NKAIN2: variants seen among roughly 807,000 people sequenced by gnomAD.
NKAIN2 encodes sodium/potassium-transporting ATPase subunit beta-1-interacting protein 2.
A neutral mutation model predicts 32.6 loss-of-function variants in NKAIN2; 14 were observed. That is an observed-to-expected ratio of 0.43 (90% CI 0.28 to 0.67). The LOEUF (loss-of-function observed/expected upper bound fraction) is 0.67. Among genes scored for constraint, NKAIN2 ranks in the 30% least tolerant of loss-of-function variants. NKAIN2 has a pLI of 0.17. For synonymous variants in NKAIN2, 80 were observed against 87.2 expected, an observed-to-expected ratio of 0.92 and a Z score of 0.46; for missense variants, 198 against 258.3, an observed-to-expected ratio of 0.77 and a Z score of 1.60.
intron 1 of NKAIN2, among the ~76,000 whole-genome samples, chr6:124,189,312 C>T (rs1323762780): frequency 6.6e-6 from 1 of 151,986 alleles, no homozygotes; most frequent in Admixed American, 6.6e-5. Context: ...AAAAAGAAAC[C>T]CATAGAAATG....
intron 1 of NKAIN2, among the ~76,000 whole-genome samples, chr6:124,277,459 A>ATC (rs1795090248): frequency 1.4e-5 from 2 of 142,210 alleles, no homozygotes; most frequent in African/African-American, 5.3e-5. Context: ...GTGTGTGTGT[A>ATC]TCTGTGTGTG....
intron 4 of NKAIN2, among the ~76,000 whole-genome samples, chr6:124,773,188 T>TA (rs1237257362): frequency 9.9e-5 from 15 of 152,060 alleles, no homozygotes; most frequent in Non-Finnish European, 4.4e-5. Context: ...TGAGAACCGT[T>TA]TTAAGATAGA....
At chr6:124,101,147 A>T (rs1365733321) in intron 1 of NKAIN2, among the ~76,000 whole-genome samples, 1 of 152,176 alleles carries the variant, frequency 6.6e-6, no homozygotes, top group Non-Finnish European at 1.5e-5. Flanking sequence ...GTGTGAGAGG[A>T]CTGGTCTATT....
rs189425150 is a variant in NKAIN2 at position 124,788,786 on chromosome 6, C to T, written c.475-2553C>T. Among the ~76,000 whole-genome samples, 24 of 152,178 alleles carry T rather than the reference C, an allele frequency of 1.6e-4. No individual in the cohort carries two copies. The East Asian group carries it at 4.5e-3, about 28-fold the overall frequency. On this transcript the variant is annotated intron_variant, in intron 4 of 6. Coordinates refer to ENST00000368417, the MANE Select transcript of NKAIN2 (RefSeq NM_001040214.3). ...GGACACAGCCAAACCATATCAGAGA[C>T]ATTCAGAATTGTGGGAAATAATCTG...
intron 1 of NKAIN2, chr6:124,282,146 G>GT (rs1795326129): frequency 3.8e-6 from 1 of 265,602 alleles, no homozygotes; most frequent in African/African-American, 2.4e-5. Flanking sequence ...ACTAATCTCA[G>GT]TTTGTTGTTA....
intron 1 of NKAIN2, among the ~76,000 whole-genome samples, chr6:124,016,823 A>G (rs942463600): frequency 6.6e-6 from 1 of 152,052 alleles, no homozygotes; most frequent in South Asian, 2.1e-4. Flanking sequence ...TTAGAGTTGA[A>G]TTAGTTTGCC....
intron 4 of NKAIN2, among the ~76,000 whole-genome samples, chr6:124,665,285 A>T (rs929606523): frequency 1.3e-5 from 2 of 152,238 alleles, no homozygotes; most frequent in African/African-American, 4.8e-5. Flanking sequence ...TAATTGAAAC[A>T]GTATGGTATT....
chr6:124,198,226 T>A (rs901980956), intron 1 of NKAIN2, among the ~76,000 whole-genome samples: 17 of 152,142 alleles, frequency 1.1e-4, no homozygotes, highest in African/African-American at 3.4e-4. Flanking sequence ...TTTTAGCCAT[T>A]CCTATAGGTA....
rs189221056 is a variant in NKAIN2, at chr6:124,761,017, C to A, written c.475-30322C>A. On this transcript the variant is annotated intron_variant, in intron 4 of 6. Coordinates refer to ENST00000368417, the MANE Select transcript of NKAIN2 (RefSeq NM_001040214.3). ...TGAAATATTGACAATCAATGCAGTG[C>A]CCTGCCCTCAATTCCTTCTCTCATG... 2.1e-4 allele frequency among the ~76,000 whole-genome samples: 32 copies of A among 152,240 alleles called. No individual in the cohort carries two copies. In the East Asian group the frequency reaches 6.0e-3, roughly 29 times the overall value.
At chr6:123,845,439 C>T (rs537630616) in intron 1 of NKAIN2, among the ~76,000 whole-genome samples, 2 of 152,232 alleles carry the variant, frequency 1.3e-5, no homozygotes, top group Admixed American at 6.5e-5. Flanking sequence ...TCATGTGATG[C>T]GTTTTCCTTT....
intron 1 of NKAIN2, among the ~76,000 whole-genome samples, chr6:123,894,471 A>G (rs1463431647): frequency 6.6e-6 from 1 of 152,204 alleles, no homozygotes; most frequent in Non-Finnish European, 1.5e-5. Context: ...GAGAAGGTGT[A>G]TGGATGGGGC....
At chr6:124,527,719 G>A (rs1469198247) in intron 3 of NKAIN2, among the ~76,000 whole-genome samples, 7 of 152,144 alleles carry the variant, frequency 4.6e-5, no homozygotes, top group Non-Finnish European at 5.9e-5. Flanking sequence ...TGAATAGAGA[G>A]CTATTGGGAC....
At chr6:124,220,259 G>A (rs1297075805) in intron 1 of NKAIN2, among the ~76,000 whole-genome samples, 1 of 152,036 alleles carries the variant, frequency 6.6e-6, no homozygotes, top group Non-Finnish European at 1.5e-5. Context: ...CTGCCACCTT[G>A]TGAAGAAGGT....
chr6:124,194,864 G>T (rs1203866642), intron 1 of NKAIN2, among the ~76,000 whole-genome samples: 1 of 152,008 alleles, frequency 6.6e-6, no homozygotes, highest in Non-Finnish European at 1.5e-5. Context: ...AGGATAAAAG[G>T]CAAGAATTCT....
intron 1 of NKAIN2, among the ~76,000 whole-genome samples, chr6:124,076,683 G>A (rs1418480860): frequency 6.6e-6 from 1 of 152,174 alleles, no homozygotes; most frequent in Non-Finnish European, 1.5e-5. Flanking sequence ...TACTTAGGTG[G>A]ACTTGTTCTT....
intron 4 of NKAIN2, among the ~76,000 whole-genome samples, chr6:124,678,125 G>C (rs1049855763): frequency 2.0e-5 from 3 of 151,740 alleles, no homozygotes; most frequent in Non-Finnish European, 4.4e-5. Context: ...CTTTTTTCGT[G>C]CTACTTTCAA....
intron 1 of NKAIN2, among the ~76,000 whole-genome samples, chr6:124,229,826 G>T (rs920791913): frequency 1.3e-5 from 2 of 152,118 alleles, no homozygotes; most frequent in African/African-American, 4.8e-5. Context: ...CAGCCACGTG[G>T]AACTGTTAAG....
chr6:124,776,685 T>A (rs1778997093), intron 4 of NKAIN2, among the ~76,000 whole-genome samples: 1 of 152,222 alleles, frequency 6.6e-6, no homozygotes, highest in Non-Finnish European at 1.5e-5. Flanking sequence ...AACTCTCTTA[T>A]TATACACCGT....
chr6:123,812,019 CT>C (rs1212253337), intron 1 of NKAIN2, among the ~76,000 whole-genome samples: 1 of 152,180 alleles, frequency 6.6e-6, no homozygotes, highest in Non-Finnish European at 1.5e-5. Context: ...GCAAGACATT[CT>C]ACTGAGCAAG....
Sources: gnomAD v4.1 joint callset for allele counts (sites outside exome capture counted in the v4.1 genomes callset) on GRCh38, gnomAD v4.1.1 for gene constraint, MANE v1.5 for transcripts, NCBI Gene and HGNC (gene_info 2026-07-23, HGNC 2026-07-21) for gene names.